The following PLOD2 variants were observed in gnomAD, a reference collection of about 807,000 sequenced individuals.
PLOD2 encodes lysine hydroxylase 2.
In PLOD2, 65 loss-of-function variants were observed where a neutral mutation model predicts 101.0. The observed-to-expected ratio is 0.64, with a 90% CI of 0.53 to 0.79. The LOEUF (loss-of-function observed/expected upper bound fraction) is 0.79. Among genes scored for constraint, PLOD2 ranks in the 30% least tolerant of loss-of-function variants. PLOD2 has a pLI of 0.00. For synonymous variants in PLOD2, 314 were observed against 302.9 expected, an observed-to-expected ratio of 1.04 and a Z score of -0.38; for missense variants, 909 against 914.6, an observed-to-expected ratio of 0.99 and a Z score of 0.08.
chr3:146,142,176 A>T (rs2108126363), intron 1 of PLOD2, among the ~76,000 whole-genome samples: 1 of 152,256 alleles, frequency 6.6e-6, no homozygotes, highest in African/African-American at 2.4e-5. Context: ...ATAAACTACA[A>T]GTAAAGCTAT....
intron 6 of PLOD2, among the ~76,000 whole-genome samples, chr3:146,103,452 T>C (rs941713628): frequency 6.6e-6 from 1 of 151,308 alleles, no homozygotes; most frequent in East Asian, 1.9e-4. Flanking sequence ...ACATTTTGCA[T>C]TGTGGGAATT....
rs368275568 is a variant in PLOD2 at position 146,071,475 on chromosome 3, TTTATA to T, written c.1849-57_1849-53del. 7.8e-6 allele frequency: 12 copies of T among 1,533,880 alleles called. No homozygotes were observed. In the African/African-American group the frequency reaches 8.2e-5, roughly 10 times the overall value. ...AGCTGTACTCCACGTGCAATTCCCATTTATATTATAGTATTTTTTTTCAACCACAG... is the reference window on the plus strand; with the variant it reads ...AGCTGTACTCCACGTGCAATTCCCATTTATAGTATTTTTTTTCAACCACAG... On this transcript the variant is annotated intron_variant, in intron 17 of 19. Transcript: ENST00000282903.
At chr3:146,157,113 C>T (rs541696284) in intron 1 of PLOD2, among the ~76,000 whole-genome samples, 1 of 152,280 alleles carries the variant, frequency 6.6e-6, no homozygotes, top group African/African-American at 2.4e-5. Flanking sequence ...AGAAAGGAAG[C>T]TCAGTGAATT....
rs1013854450 is a variant in PLOD2 at position 146,152,938 on chromosome 3, C to T, written c.109+7943G>A. Among the ~76,000 whole-genome samples, 3 of 152,192 alleles carry T rather than the reference C, an allele frequency of 2.0e-5. No homozygotes were observed. The South Asian group carries it at 6.2e-4, about 32-fold the overall frequency. On this transcript the variant is annotated intron_variant, in intron 1 of 19. Transcript: ENST00000282903. Reference sequence around the variant, plus strand: ...AGTAAAGTCACTGTTTAAAAAATTCCAACCTTGTCTAAACTAAACTAAGAA... The same window carrying T: ...AGTAAAGTCACTGTTTAAAAAATTCTAACCTTGTCTAAACTAAACTAAGAA...
At chr3:146,131,516 T>G (rs550075553) in intron 1 of PLOD2, among the ~76,000 whole-genome samples, 2 of 152,278 alleles carry the variant, frequency 1.3e-5, no homozygotes, top group South Asian at 4.1e-4. Context: ...AGAAAATAAG[T>G]ATTTGGTACA....
chr3:146,134,275 T>G (rs371617100), intron 1 of PLOD2, among the ~76,000 whole-genome samples: 2 of 152,302 alleles, frequency 1.3e-5, no homozygotes, highest in East Asian at 3.9e-4. Context: ...AAGCAGTATG[T>G]TTCCTATCTT....
At chr3:146,160,798 C>A (rs900421324) in intron 1 of PLOD2, 83 bp downstream of exon 1, 36 of 884,098 alleles carry the variant, frequency 4.1e-5, no homozygotes, top group Non-Finnish European at 6.2e-5. Context: ...CCTGGCCAGC[C>A]CCGCGGAAGG....
intron 2 of PLOD2, among the ~76,000 whole-genome samples, chr3:146,123,861 T>C (rs762417836): frequency 6.6e-6 from 1 of 152,114 alleles, no homozygotes. Flanking sequence ...AGGTGCATAA[T>C]AGTTGCATAT....
At chr3:146,073,854 T>C (rs1229045479) in intron 15 of PLOD2, among the ~76,000 whole-genome samples, 1 of 151,630 alleles carries the variant, frequency 6.6e-6, no homozygotes, top group Non-Finnish European at 1.5e-5. Flanking sequence ...TTTGTAAAAA[T>C]GAATTAGTGA....
chr3:146,110,419 T>C lies in PLOD2; in HGVS notation c.368A>G (p.Glu123Gly), dbSNP rs762992289. The C allele has an allele frequency of 2.5e-6, 4 of 1,613,336 alleles. No individual in the cohort carries two copies. Among genetic ancestry groups the C allele is most frequent in the Non-Finnish European group, 3.4e-6 (4 of 1,179,734 alleles). Residue 123 changes from glutamate (E) to glycine (G), a missense_variant, in exon 4 of 20, where the codon GAA becomes GGA. Physicochemically the swap from Glu to Gly is moderately conservative, Grantham distance 98. Transcript: ENST00000282903. ...CTTTTGGAATTTTTTTAGAACTTCT[T>C]CTGGACCACCAGCAAATATGACATC... The part of the protein sequence containing the change: ...CFDVIFAGGP[E>G]EVLKKFQKAN...
At chr3:146,137,596 T>C (rs1212309614) in intron 1 of PLOD2, among the ~76,000 whole-genome samples, 1 of 152,178 alleles carries the variant, frequency 6.6e-6, no homozygotes, top group Non-Finnish European at 1.5e-5. Context: ...AACTGGACCA[T>C]CATGCCAATG....
rs182390051 is a variant in PLOD2, at chr3:146,106,675, T to G, written c.503-31A>C. 7.9e-5 allele frequency: 92 copies of G among 1,168,382 alleles called. No homozygotes were observed. The African/African-American group carries it at 1.2e-3, about 15-fold the overall frequency. The allele number at this position is 1,168,382 out of a possible 1,614,324, so 72.4% of individuals were successfully genotyped here. On this transcript the variant is annotated intron_variant, in intron 4 of 19. Transcript: ENST00000282903. ...ACACAGCAGAGAGAAAGTAGATAAT[T>G]TAGGATTCAAAGACCAAAACTGGTG... is the stretch of plus-strand genomic sequence containing the variant.
intron 11 of PLOD2, among the ~76,000 whole-genome samples, chr3:146,083,129 C>G (rs1936621424): frequency 6.6e-6 from 1 of 152,154 alleles, no homozygotes; most frequent in Non-Finnish European, 1.5e-5. Flanking sequence ...ATAATCCCAG[C>G]TGCCTCCTGA....
chr3:146,110,080 A>G (rs1937601289), intron 4 of PLOD2, among the ~76,000 whole-genome samples: 3 of 152,148 alleles, frequency 2.0e-5, no homozygotes, highest in Admixed American at 2.0e-4. Context: ...CCTCACTTAT[A>G]ATTTGGTAAT....
At chr3:146,130,530 G>A (rs544538435) in intron 1 of PLOD2, among the ~76,000 whole-genome samples, 1 of 152,304 alleles carries the variant, frequency 6.6e-6, no homozygotes, top group East Asian at 1.9e-4. Flanking sequence ...TAAGCACACA[G>A]TAGGTTCTTA....
chr3:146,096,884 G>GT (rs535869082), intron 7 of PLOD2, among the ~76,000 whole-genome samples: 18,518 of 100,732 alleles, frequency 0.18, 3,037 homozygotes, highest in East Asian at 0.23. Flanking sequence ...GGGAGGTGGG[G>GT]GGGGGGAGTC....
At chr3:146,121,375 T>A (rs904545473) in intron 2 of PLOD2, 127 bp from the exon 3 acceptor site, 1 of 800,576 alleles carries the variant, frequency 1.2e-6, no homozygotes, top group Non-Finnish European at 2.1e-6. Flanking sequence ...TTTCATGGAA[T>A]CATGATTCTA....
intron 8 of PLOD2, among the ~76,000 whole-genome samples, chr3:146,089,402 A>C (rs1345378039): frequency 1.3e-5 from 2 of 151,746 alleles, no homozygotes; most frequent in Middle Eastern, 3.4e-3. Context: ...AAAAGGAATG[A>C]AAGTTCCTGG....
rs185263071 is a variant in PLOD2, at chr3:146,134,204, G to A, written c.110-9975C>T. ...AGAGAAGGGAATTAATGAGGAGTGC[G>A]GATTACATATCAATACAAAGTACAA... On this transcript the variant is annotated intron_variant, in intron 1 of 19. Transcript: ENST00000282903. 2.4e-3 allele frequency among the ~76,000 whole-genome samples: 363 copies of A among 152,056 alleles called. 2 individuals carry two copies. The highest frequency in any genetic ancestry group is 8.3e-3 in the African/African-American group (344 of 41,476).
Sources: allele counts gnomAD v4.1 joint callset (sites outside exome capture counted in the v4.1 genomes callset), GRCh38; gene constraint gnomAD v4.1.1; transcripts MANE v1.5; gene names NCBI Gene and HGNC (gene_info 2026-07-23, HGNC 2026-07-21).